Variants in TTC39B observed in about 807,000 individuals in gnomAD.
The protein encoded by TTC39B is tetratricopeptide repeat protein 39B.
In TTC39B, 92 loss-of-function variants were observed where a neutral mutation model predicts 96.6. That is an observed-to-expected ratio of 0.95 (90% CI 0.80 to 1.13). The LOEUF is 1.13. TTC39B is among the 50% of genes most tolerant of loss of function. The pLI, the probability that TTC39B is intolerant of heterozygous loss-of-function variation, is 0.00. For missense variants in TTC39B, 955 were observed against 809.3 expected, an observed-to-expected ratio of 1.18 and a Z score of -2.18; for synonymous variants, 367 against 299.4, an observed-to-expected ratio of 1.23 and a Z score of -2.33.
At chr9:15,192,479 T>C in intron 9 of TTC39B, 111 bp downstream of exon 9, 1 of 794,252 alleles carries the variant, frequency 1.3e-6, no homozygotes, top group African/African-American at 1.7e-5. Flanking sequence ...TAGCTGTTTG[T>C]CAACCAACCC....
At chr9:15,242,747 C>T (rs911800313) in intron 2 of TTC39B, among the ~76,000 whole-genome samples, 8 of 152,268 alleles carry the variant, frequency 5.3e-5, no homozygotes, top group Middle Eastern at 3.4e-3. Context: ...AATGTATATA[C>T]ATAGAATAAT....
At chr9:15,168,802 ACT>A (rs1457070124) in exon 20 of TTC39B, 3 of 56,610 alleles carry the variant, frequency 5.3e-5, no homozygotes, top group Non-Finnish European at 3.2e-5. Flanking sequence ...ACAGAGCGAG[ACT>A]CTGTCTCAAT....
At chr9:15,300,825 G>C (rs1307433116) in intron 1 of TTC39B, among the ~76,000 whole-genome samples, 1 of 143,164 alleles carries the variant, frequency 7.0e-6, no homozygotes, top group African/African-American at 2.5e-5. Flanking sequence ...TGTGGGGGCA[G>C]AGGTTGCAGT....
intron 2 of TTC39B, among the ~76,000 whole-genome samples, chr9:15,246,870 A>G (rs1822302539): frequency 6.6e-6 from 1 of 152,266 alleles, no homozygotes. Context: ...TGAGACCTGC[A>G]TAAACTTCAG....
At chr9:15,206,284 C>T (rs757591048) in intron 6 of TTC39B, among the ~76,000 whole-genome samples, 1 of 151,902 alleles carries the variant, frequency 6.6e-6, no homozygotes, top group African/African-American at 2.4e-5. Flanking sequence ...CACATTAAAA[C>T]CATGAAAAGT....
At chr9:15,281,440 C>T (rs1051400799) in intron 1 of TTC39B, among the ~76,000 whole-genome samples, 12 of 152,048 alleles carry the variant, frequency 7.9e-5, no homozygotes, top group Non-Finnish European at 4.4e-5. Flanking sequence ...ACCACTCATA[C>T]AGTGCCCTCC....
At chr9:15,268,917 C>T (rs939171224) in intron 1 of TTC39B, among the ~76,000 whole-genome samples, 3 of 152,140 alleles carry the variant, frequency 2.0e-5, no homozygotes, top group African/African-American at 7.2e-5. Context: ...AAATCCCAAA[C>T]TCATTCTCCC....
chr9:15,192,804 T>C, intron 8 of TTC39B, 109 bp from the exon 9 acceptor site: 1 of 719,398 alleles, frequency 1.4e-6, no homozygotes, highest in Non-Finnish European at 2.3e-6. Context: ...TTAATTAAAA[T>C]ACCATCAAAA....
rs1046504594 is a variant in TTC39B, at chr9:15,306,008, T to C, written c.240+1076A>G. Among the ~76,000 whole-genome samples, 3 of 152,182 alleles carry C rather than the reference T, an allele frequency of 2.0e-5. No individual in the cohort carries two copies. The highest frequency in any genetic ancestry group is 4.4e-5 in the Non-Finnish European group (3 of 68,036). On this transcript the variant is annotated intron_variant, in intron 1 of 19. Coordinates refer to ENST00000512701, the Ensembl canonical transcript of TTC39B. The surrounding 1 kb of genome is among the most constrained non-coding windows in gnomAD (Gnocchi z 5.1). ...GAGGAGCTGTAGTTCAGTTTTTGTT[T>C]TTTGTTTATTTTACGGAGCACATTT...
At chr9:15,171,457 C>A (rs1300269084) in exon 20 of TTC39B, 2 of 152,122 alleles carry the variant, frequency 1.3e-5, no homozygotes, top group Non-Finnish European at 2.9e-5. Context: ...CTGCATCATC[C>A]TTTATAGAGA....
chr9:15,264,170 GA>G (rs1324967087), intron 2 of TTC39B, among the ~76,000 whole-genome samples: 1 of 152,114 alleles, frequency 6.6e-6, no homozygotes, highest in Non-Finnish European at 1.5e-5. Flanking sequence ...AAGACACCAA[GA>G]CAATGCTTCT....
intron 18 of TTC39B, among the ~76,000 whole-genome samples, 196 bp downstream of exon 18, chr9:15,177,501 C>T (rs1476024674): frequency 6.6e-6 from 1 of 152,136 alleles, no homozygotes; most frequent in Non-Finnish European, 1.5e-5. Context: ...AGTAGAAATA[C>T]ATAAAGTCAT....
chr9:15,236,309 C>A (rs1821778115), intron 2 of TTC39B, among the ~76,000 whole-genome samples: 1 of 152,034 alleles, frequency 6.6e-6, no homozygotes, highest in Non-Finnish European at 1.5e-5. Context: ...ACTGGGGCAC[C>A]CAGATTTATC....
chr9:15,304,015 G>C (rs1458466423), intron 1 of TTC39B, among the ~76,000 whole-genome samples: 1 of 152,152 alleles, frequency 6.6e-6, no homozygotes, highest in Admixed American at 6.5e-5. Flanking sequence ...TGGCACTTGA[G>C]ATAATTATTG....
chr9:15,192,776 G>T, intron 8 of TTC39B, 81 bp from the exon 9 acceptor site: 1 of 930,978 alleles, frequency 1.1e-6, no homozygotes, highest in Non-Finnish European at 1.7e-6. Context: ...ACACTTATGT[G>T]CTATAAAATA....
intron 6 of TTC39B, among the ~76,000 whole-genome samples, chr9:15,206,955 C>T (rs1027544121): frequency 6.6e-6 from 1 of 152,100 alleles, no homozygotes; most frequent in Non-Finnish European, 1.5e-5. Context: ...TGGTTTCTCC[C>T]ATGCTGTTCT....
chr9:15,225,750 G>A (rs1821084751), intron 3 of TTC39B, among the ~76,000 whole-genome samples, 167 bp downstream of exon 3: 1 of 152,194 alleles, frequency 6.6e-6, no homozygotes, highest in Non-Finnish European at 1.5e-5. Context: ...AGCAGCCACC[G>A]TATCTCCTTC....
chr9:15,234,867 T>C (rs186609776), intron 2 of TTC39B, among the ~76,000 whole-genome samples: 6 of 151,984 alleles, frequency 3.9e-5, no homozygotes, highest in South Asian at 2.1e-4. Context: ...TCCCTAATCT[T>C]AAGTACCCAG....
intron 3 of TTC39B, among the ~76,000 whole-genome samples, chr9:15,222,116 T>G (rs1317546914): frequency 6.6e-6 from 1 of 152,176 alleles, no homozygotes; most frequent in Non-Finnish European, 1.5e-5. Flanking sequence ...CAAGGGTTTC[T>G]TTTGTCGTAG....
Sources: gnomAD v4.1 joint callset for allele counts (sites outside exome capture counted in the v4.1 genomes callset) on GRCh38, gnomAD v4.1.1 for gene constraint, Gnocchi (gnomAD v3.1) non-coding constraint, MANE v1.5 for transcripts, NCBI Gene and HGNC (gene_info 2026-07-23, HGNC 2026-07-21) for gene names.